Variants in GABRB1 observed in about 807,000 individuals in gnomAD.
GABRB1 encodes the protein gamma-aminobutyric acid type A receptor subunit beta1, also known as gamma-aminobutyric acid receptor subunit beta-1.
A neutral mutation model predicts 51.6 loss-of-function variants in GABRB1; 17 were observed. That is an observed-to-expected ratio of 0.33 (90% CI 0.23 to 0.49). GABRB1 has a LOEUF of 0.49. GABRB1 is among the 20% of genes least tolerant of loss of function. GABRB1 has a pLI of 0.99. For synonymous variants in GABRB1, 247 were observed against 218.9 expected (o/e 1.13, Z -1.14); for missense variants, 410 against 600.6 (o/e 0.68, Z 3.32).
At chr4:47,142,362 G>T (rs1716972939) in intron 3 of GABRB1, among the ~76,000 whole-genome samples, 1 of 151,838 alleles carries the variant, frequency 6.6e-6, no homozygotes, top group Non-Finnish European at 1.5e-5. Context: ...AGCATCCTTT[G>T]AATAAAAGAC....
At chr4:47,289,002 T>C (rs995815889) in intron 4 of GABRB1, among the ~76,000 whole-genome samples, 2 of 152,188 alleles carry the variant, frequency 1.3e-5, no homozygotes, top group African/African-American at 4.8e-5. Context: ...ATGATCAATA[T>C]AGATGAGTGA....
chr4:47,355,386 G>T (rs1726529357), intron 5 of GABRB1, among the ~76,000 whole-genome samples: 1 of 152,050 alleles, frequency 6.6e-6, no homozygotes, highest in South Asian at 2.1e-4. Context: ...AGATGTCCGT[G>T]AATTCATTCG....
At chr4:47,418,438 T>C (rs79788538) in intron 8 of GABRB1, among the ~76,000 whole-genome samples, 5,950 of 152,276 alleles carry the variant, frequency 0.039, 150 homozygotes, top group East Asian at 0.092. Flanking sequence ...TTGCTCTCAA[T>C]GCTTTCAATC....
intron 7 of GABRB1, among the ~76,000 whole-genome samples, chr4:47,404,595 A>G (rs1421133975): frequency 2.0e-5 from 3 of 152,006 alleles, no homozygotes; most frequent in Non-Finnish European, 4.4e-5. Flanking sequence ...GGACTAGATG[A>G]TCAGCATACC....
chr4:47,068,898 G>A (rs533492334), intron 3 of GABRB1, among the ~76,000 whole-genome samples: 1 of 152,248 alleles, frequency 6.6e-6, no homozygotes, highest in South Asian at 2.1e-4. Context: ...AATATCTGTG[G>A]AGCACAATAA....
upstream of GABRB1, among the ~76,000 whole-genome samples, chr4:47,026,945 G>T (rs1429384183): frequency 6.6e-6 from 1 of 151,678 alleles, no homozygotes; most frequent in Non-Finnish European, 1.5e-5. Context: ...TTTGACCTTG[G>T]ATAAGTTACT....
chr4:47,039,499 T>C (rs529856559), intron 3 of GABRB1, among the ~76,000 whole-genome samples: 1 of 151,940 alleles, frequency 6.6e-6, no homozygotes, highest in African/African-American at 2.4e-5. Context: ...ATGTCTTTTT[T>C]GAAAAGCATA....
chr4:47,283,633 C>T lies in GABRB1; in HGVS notation c.462-36494C>T, dbSNP rs572583575. On this transcript the variant is annotated intron_variant, in intron 4 of 8. Transcript: ENST00000295454. ...TCCATCTCCTGACCTCGTGATCCACCTGCCTAGGCCTCCCAAAGTGCTGGG... is the reference window on the plus strand; with the variant it reads ...TCCATCTCCTGACCTCGTGATCCACTTGCCTAGGCCTCCCAAAGTGCTGGG... Among the ~76,000 whole-genome samples, 14 of 151,836 alleles carry T rather than the reference C, an allele frequency of 9.2e-5. No homozygotes were observed. The East Asian group carries it at 2.7e-3, about 30-fold the overall frequency.
At chr4:47,332,211 G>C (rs539085233) in intron 5 of GABRB1, among the ~76,000 whole-genome samples, 3 of 152,144 alleles carry the variant, frequency 2.0e-5, no homozygotes, top group Admixed American at 6.5e-5. Context: ...AAATGCAATA[G>C]ATCACACAAT....
chr4:47,060,372 A>G (rs888742632), intron 3 of GABRB1, among the ~76,000 whole-genome samples: 8 of 152,192 alleles, frequency 5.3e-5, no homozygotes, highest in African/African-American at 1.9e-4. Context: ...CAAGTGGGAT[A>G]AATAAAACCC....
intron 4 of GABRB1, among the ~76,000 whole-genome samples, chr4:47,314,026 A>C (rs1036862296): frequency 6.6e-6 from 1 of 152,024 alleles, no homozygotes; most frequent in African/African-American, 2.4e-5. Flanking sequence ...ACTTTTTAAG[A>C]GTAAGTTCTT....
At chr4:47,095,588 T>C (rs1033788429) in intron 3 of GABRB1, among the ~76,000 whole-genome samples, 2 of 152,224 alleles carry the variant, frequency 1.3e-5, no homozygotes, top group Non-Finnish European at 2.9e-5. Flanking sequence ...TTATGACTCA[T>C]GAAATTCACA....
At chr4:47,047,706 G>A (rs553652899) in intron 3 of GABRB1, among the ~76,000 whole-genome samples, 55 of 152,216 alleles carry the variant, frequency 3.6e-4, no homozygotes, top group African/African-American at 1.3e-3. Context: ...TAAAAGTAAG[G>A]AGCAGTTTGA....
At chr4:46,996,267 T>A (rs1723994211) in intron 1 of GABRB1, among the ~76,000 whole-genome samples, 1 of 152,174 alleles carries the variant, frequency 6.6e-6, no homozygotes, top group Non-Finnish European at 1.5e-5. Flanking sequence ...TCTTTTTTTC[T>A]TTAAGTTGAT....
intron 7 of GABRB1, among the ~76,000 whole-genome samples, chr4:47,404,123 T>C (rs1728488718): frequency 6.6e-6 from 1 of 152,214 alleles, no homozygotes. Flanking sequence ...AAGCTGTCAA[T>C]TGCTGAGAAA....
intron 4 of GABRB1, among the ~76,000 whole-genome samples, chr4:47,285,719 C>A (rs905480440): frequency 6.6e-6 from 1 of 152,164 alleles, no homozygotes; most frequent in Non-Finnish European, 1.5e-5. Flanking sequence ...TCCTCAGTTT[C>A]TTCCTCTCTG....
chr4:47,051,381 T>C (rs564892203), intron 3 of GABRB1, among the ~76,000 whole-genome samples: 1 of 152,120 alleles, frequency 6.6e-6, no homozygotes, highest in Non-Finnish European at 1.5e-5. Flanking sequence ...AAGAGGCAGA[T>C]TGGAGACAAA....
At chr4:47,175,137 C>A (rs1718623584) in intron 4 of GABRB1, among the ~76,000 whole-genome samples, 1 of 144,972 alleles carries the variant, frequency 6.9e-6, no homozygotes, top group Non-Finnish European at 1.5e-5. Flanking sequence ...TCCTTCCTTT[C>A]TTCTTTCCTC....
chr4:47,204,377 C>A (rs1470624448), intron 4 of GABRB1, among the ~76,000 whole-genome samples: 1 of 152,248 alleles, frequency 6.6e-6, no homozygotes, highest in East Asian at 1.9e-4. Context: ...CACAATGGTG[C>A]TTGCACTTTA....
Sources: allele counts gnomAD v4.1 joint callset (sites outside exome capture counted in the v4.1 genomes callset), GRCh38; gene constraint gnomAD v4.1.1; transcripts MANE v1.5; gene names NCBI Gene and HGNC (gene_info 2026-07-23, HGNC 2026-07-21).